Variants in SANBR observed in about 807,000 individuals in gnomAD.
SANBR encodes the protein SANT and BTB domain regulator of CSR.
In SANBR, 77 loss-of-function variants were observed where a neutral mutation model predicts 101.8. The ratio of observed to expected loss-of-function variants is 0.76; its 90% CI spans 0.63 to 0.91. The LOEUF (loss-of-function observed/expected upper bound fraction) is 0.91. Ranked by LOEUF, SANBR falls within the 40% of genes least tolerant of loss-of-function variation. The probability of loss-of-function intolerance (pLI) is 0.00; values close to 1 mark genes in which losing one functional copy is unlikely to be tolerated. For missense variants in SANBR, 875 were observed against 853.0 expected (o/e 1.03, Z -0.32); for synonymous variants, 279 against 274.7 (o/e 1.02, Z -0.15).
chr2:61,136,606 G>A (rs1684856605), intron 21 of SANBR, among the ~76,000 whole-genome samples: 1 of 151,698 alleles, frequency 6.6e-6, no homozygotes, highest in African/African-American at 2.4e-5. Flanking sequence ...TCCAGCCTGG[G>A]CGACAGAGCG....
At chr2:61,078,863 A>G (rs1573596403) in intron 6 of SANBR, among the ~76,000 whole-genome samples, 1 of 143,922 alleles carries the variant, frequency 6.9e-6, no homozygotes, top group South Asian at 2.4e-4. Flanking sequence ...ACATGGCAAA[A>G]CCCCGTCTCT....
chr2:61,080,694 C>A (rs1030838117), intron 6 of SANBR, among the ~76,000 whole-genome samples: 1 of 151,542 alleles, frequency 6.6e-6, no homozygotes, highest in Non-Finnish European at 1.5e-5. Context: ...GCACTCCAGC[C>A]TGGCAACAGA....
intron 3 of SANBR, among the ~76,000 whole-genome samples, chr2:61,071,016 C>T (rs1249859175): frequency 1.3e-5 from 2 of 151,600 alleles, no homozygotes; most frequent in Non-Finnish European, 2.9e-5. Context: ...TCCACCATAC[C>T]CAGCCTGGTC....
At chr2:61,079,466 T>A (rs1243782809) in intron 6 of SANBR, among the ~76,000 whole-genome samples, 2 of 152,190 alleles carry the variant, frequency 1.3e-5, no homozygotes, top group Non-Finnish European at 2.9e-5. Flanking sequence ...AAAAGTTTTT[T>A]AAAAAACTTA....
rs1162655469 is a variant in SANBR at position 61,122,833 on chromosome 2, A to C, written c.*671A>C. Reference sequence around the variant, plus strand: ...TCTATTGATCATCTGAGCTGGAATTACTGATTATTACTCTGTCCTCTGTGA... The same window carrying C: ...TCTATTGATCATCTGAGCTGGAATTCCTGATTATTACTCTGTCCTCTGTGA... On this transcript the variant is annotated 3_prime_UTR_variant, in exon 22 of 22. Transcript: ENST00000402291. 1.0e-6 allele frequency: 1 copy of C among 985,220 alleles called. No individual in the cohort carries two copies. The highest frequency in any genetic ancestry group is 1.2e-6 in the Non-Finnish European group (1 of 829,754). The allele number at this position is 985,220 out of a possible 1,614,324, so 61.0% of individuals were successfully genotyped here.
intron 20 of SANBR, among the ~76,000 whole-genome samples, chr2:61,133,256 CA>C (rs1027653199): frequency 8.2e-5 from 12 of 145,862 alleles, no homozygotes; most frequent in East Asian, 2.0e-4. Context: ...GACTCTGTCT[CA>C]AAAAAAAAAA....
rs558660092 is a variant in SANBR, at chr2:61,085,794, A to T, written c.891-2365A>T. Among the ~76,000 whole-genome samples the T allele has an allele frequency of 7.9e-5, 12 of 152,166 alleles. No individual in the cohort carries two copies. In the South Asian group the frequency reaches 2.3e-3, roughly 29 times the overall value. ...CCAACGTGCTGAGATTACAGACGTG[A>T]GCCACCACACCCAGCCAACACACTG... On this transcript the variant is annotated intron_variant, in intron 8 of 21. Transcript: ENST00000402291.
intron 21 of SANBR, 62 bp downstream of exon 21, chr2:61,121,338 TAAATC>T: frequency 9.0e-7 from 1 of 1,116,894 alleles, no homozygotes; most frequent in Non-Finnish European, 1.3e-6. Context: ...TTTTTTAAGA[TAAATC>T]ATATGAACAC....
In SANBR at chr2:61,121,368, T is replaced by C; in HGVS notation, c.2120+92T>C. On this transcript the variant is annotated intron_variant, in intron 21 of 21. Coordinates refer to ENST00000402291, the MANE Select transcript of SANBR (RefSeq NM_001129993.3). ...CATATGAACACTAGAAACATATCAT[T>C]TGAGTTTGGTTTTATGTTTTGTTTC... 3.9e-6 allele frequency: 3 copies of C among 773,098 alleles called. No individual in the cohort carries two copies. The South Asian group carries it at 5.4e-5, about 14-fold the overall frequency. The allele number at this position is 773,098 out of a possible 1,614,324, so 47.9% of individuals were successfully genotyped here. A position where few individuals can be genotyped will look rare whatever the true frequency, so the allele number is the denominator to read the frequency against.
At chr2:61,082,436 C>T (rs1682183078) in intron 7 of SANBR, among the ~76,000 whole-genome samples, 1 of 152,094 alleles carries the variant, frequency 6.6e-6, no homozygotes, top group Non-Finnish European at 1.5e-5. Flanking sequence ...AGGAAGAGAG[C>T]AAACCCAGCA....
intron 15 of SANBR, among the ~76,000 whole-genome samples, chr2:61,108,682 C>A (rs916732218): frequency 2.7e-5 from 4 of 147,016 alleles, no homozygotes; most frequent in Middle Eastern, 3.4e-3. Flanking sequence ...TTTTTTTTTA[C>A]CTGTTTGCCA....
intron 12 of SANBR, among the ~76,000 whole-genome samples, chr2:61,099,661 T>C (rs148726615): frequency 2.0e-5 from 3 of 152,084 alleles, no homozygotes; most frequent in Non-Finnish European, 1.5e-5. Flanking sequence ...TTTCTTGCAA[T>C]AGATGATAGT....
rs1217775917 is a variant in SANBR at position 61,073,515 on chromosome 2, C to G, written c.395C>G (p.Thr132Ser). Residue 132 changes from threonine (T) to serine (S), a missense_variant, in exon 5 of 22, where the codon ACT becomes AGT. By Grantham distance (58) the Thr-to-Ser change is moderately conservative. Transcript: ENST00000402291. ...TCTTCAGAAAGTGAAAATTGTACTA[C>G]TCATAATGGTGGAGAAATGACTGAA... ...NCSSESENCT[T>S]HNGGEMTEES... The G allele has an allele frequency of 6.3e-7, 1 of 1,581,660 alleles. No homozygotes were observed.
At chr2:61,106,948 T>G (rs780165705) in intron 14 of SANBR, among the ~76,000 whole-genome samples, 5 of 152,030 alleles carry the variant, frequency 3.3e-5, no homozygotes, top group Non-Finnish European at 4.4e-5. Flanking sequence ...GAAGATGGCT[T>G]GAGCCCAGGA....
chr2:61,120,106 C>T (rs929752364), intron 20 of SANBR, among the ~76,000 whole-genome samples: 1 of 152,164 alleles, frequency 6.6e-6, no homozygotes, highest in Non-Finnish European at 1.5e-5. Flanking sequence ...CCATACAGAT[C>T]AATTCACACA....
chr2:61,115,344 A>ATT (rs749227062), intron 16 of SANBR, among the ~76,000 whole-genome samples: 1 of 97,766 alleles, frequency 1.0e-5, no homozygotes, highest in African/African-American at 4.7e-5. Flanking sequence ...ATATATATAT[A>ATT]TATTTTTTTT....
At chr2:61,077,296 T>G (rs1681842506) in intron 6 of SANBR, 138 bp downstream of exon 6, 1 of 674,240 alleles carries the variant, frequency 1.5e-6, no homozygotes, top group African/African-American at 1.8e-5. Context: ...TTTAGGAAAC[T>G]GATAACCTCA....
In SANBR at chr2:61,103,992, C is replaced by A; in HGVS notation, c.1505C>A (p.Thr502Lys). The A allele has an allele frequency of 6.2e-7, 1 of 1,613,848 alleles. No individual in the cohort carries two copies. Among genetic ancestry groups the A allele is most frequent in the Non-Finnish European group, 8.5e-7 (1 of 1,179,798 alleles). The change falls in exon 13 of 22, where the codon ACA (threonine) becomes AAA (lysine). Residue 502 changes from threonine (T) to lysine (K), a missense_variant. Transcript: ENST00000402291. Reference protein sequence around the residue: ...DVIVVPFSKDTVSDVGVGLCD... With the variant: ...DVIVVPFSKDKVSDVGVGLCD... ...ATTGTTGTGCCTTTTTCAAAAGATACAGTTAGGTGAGGGGTGGAAAAACCC... is the reference window on the plus strand; with the variant it reads ...ATTGTTGTGCCTTTTTCAAAAGATAAAGTTAGGTGAGGGGTGGAAAAACCC...
At position 61,094,982 on chromosome 2, in the gene SANBR, T is replaced by TAGTTTGTGTGGTAG. The variant is rs1412203298; in HGVS notation, c.1212+2395_1212+2396insAGTTTGTGTGGTAG. 3.9e-5 allele frequency among the ~76,000 whole-genome samples: 6 copies of TAGTTTGTGTGGTAG among 152,290 alleles called. 1 individual carries two copies. In the South Asian group the frequency reaches 8.3e-4, roughly 21 times the overall value. On this transcript the variant is annotated intron_variant, in intron 11 of 21. Coordinates refer to ENST00000402291, the MANE Select transcript of SANBR (RefSeq NM_001129993.3). Reference sequence around the variant, plus strand: ...TATTACCTAGGAGTAGGATTGCTGGTTTGTGTGGTAGTTTAACACTTGCCA... The same window carrying TAGTTTGTGTGGTAG: ...TATTACCTAGGAGTAGGATTGCTGGTAGTTTGTGTGGTAGTTGTGTGGTAGTTTAACACTTGCCA...
Sources: gnomAD v4.1 joint callset for allele counts (sites outside exome capture counted in the v4.1 genomes callset) on GRCh38, gnomAD v4.1.1 for gene constraint, MANE v1.5 for transcripts, NCBI Gene and HGNC (gene_info 2026-07-23, HGNC 2026-07-21) for gene names.